ANKRD31: variants seen among roughly 807,000 people sequenced by gnomAD.
ANKRD31 encodes the protein ankyrin repeat domain 31.
ANKRD31 carries 147 observed loss-of-function variants against 186.0 expected under a neutral mutation model. The ratio of observed to expected loss-of-function variants is 0.79; its 90% CI spans 0.69 to 0.91. The LOEUF is 0.91. Ranked by LOEUF, ANKRD31 falls within the 40% of genes least tolerant of loss-of-function variation. The pLI is 0.00. For missense variants in ANKRD31, 1,986 were observed against 2,148.8 expected, an observed-to-expected ratio of 0.92 and a Z score of 1.50; for synonymous variants, 673 against 736.4, an observed-to-expected ratio of 0.91 and a Z score of 1.39.
Position 75,193,536 on chromosome 5 carries a change from G to A in ANKRD31, c.1073C>T (p.Thr358Ile). 6.5e-7 allele frequency: 1 copy of A among 1,536,748 alleles called. No individual in the cohort carries two copies. Among genetic ancestry groups the A allele is most frequent in the Non-Finnish European group, 8.7e-7 (1 of 1,146,658 alleles). ...CTTATTACTTAGTGGCTCACAAGAA[G>A]TGATATTTTGATGAGCCAAAGTTTG... is the stretch of plus-strand genomic sequence containing the variant. ...GLQTLAHQNITSCEPLSNKRN... is the reference protein window; with the variant it reads ...GLQTLAHQNIISCEPLSNKRN... The change falls in exon 8 of 26, where the codon ACT becomes ATT. Residue 358 changes from threonine (T) to isoleucine (I), a missense_variant. By Grantham distance (89) the Thr-to-Ile change is moderately conservative. Transcript: ENST00000506364.
At chr5:75,082,595 T>C (rs779089312) in intron 24 of ANKRD31, among the ~76,000 whole-genome samples, 6 of 152,220 alleles carry the variant, frequency 3.9e-5, no homozygotes, top group Non-Finnish European at 8.8e-5. Flanking sequence ...CTAAAGGCTA[T>C]TCCATCTGAT....
intron 22 of ANKRD31, among the ~76,000 whole-genome samples, chr5:75,100,372 C>T (rs537408462): frequency 7.6e-4 from 116 of 152,126 alleles, no homozygotes; most frequent in African/African-American, 2.5e-3. Flanking sequence ...ATAAGTGCAA[C>T]GTGGTGCTGA....
intron 20 of ANKRD31, among the ~76,000 whole-genome samples, chr5:75,110,051 G>A (rs1747644439): frequency 6.6e-6 from 1 of 152,144 alleles, no homozygotes; most frequent in South Asian, 2.1e-4. Context: ...GGGTCCCACT[G>A]CCTTACCTCT....
intron 6 of ANKRD31, among the ~76,000 whole-genome samples, chr5:75,197,888 G>A (rs763607186): frequency 3.9e-5 from 6 of 152,096 alleles, no homozygotes; most frequent in East Asian, 1.9e-4. Context: ...GCCCAAATTG[G>A]CCGTACTTTG....
At chr5:75,186,849 TA>T (rs113863218) in intron 10 of ANKRD31, among the ~76,000 whole-genome samples, 20 of 152,236 alleles carry the variant, frequency 1.3e-4, no homozygotes, top group African/African-American at 4.6e-4. Context: ...GGCCTTTTTT[TA>T]AATTGTACCA....
chr5:75,178,949 G>GT (rs1390600576), intron 10 of ANKRD31, among the ~76,000 whole-genome samples: 4 of 152,070 alleles, frequency 2.6e-5, no homozygotes, highest in African/African-American at 9.7e-5. Context: ...CCAGGAGCTG[G>GT]TTTTTTGAAA....
At chr5:75,190,154 G>A (rs1002418438) in intron 9 of ANKRD31, among the ~76,000 whole-genome samples, 1 of 151,792 alleles carries the variant, frequency 6.6e-6, no homozygotes, top group African/African-American at 2.4e-5. Context: ...CGAGTAGCTG[G>A]GACTACAGGC....
chr5:75,201,805 A>G (rs1441597582), intron 5 of ANKRD31, among the ~76,000 whole-genome samples: 2 of 152,160 alleles, frequency 1.3e-5, no homozygotes, highest in African/African-American at 4.8e-5. Context: ...ACAGATCTTA[A>G]GTCTGTTTAA....
rs1008220427 is a variant in ANKRD31, at chr5:75,178,809, T to A, written c.1564+9684A>T. On this transcript the variant is annotated intron_variant, in intron 10 of 25. Coordinates refer to ENST00000506364, the MANE Select transcript of ANKRD31 (RefSeq NM_001372053.1). ...AAACATCTAAAATTGACACCCTAACTTCACAATTCAAAGAACTAGAGAAGC... is the reference window on the plus strand; with the variant it reads ...AAACATCTAAAATTGACACCCTAACATCACAATTCAAAGAACTAGAGAAGC... Among the ~76,000 whole-genome samples the A allele has an allele frequency of 2.6e-5, 4 of 152,042 alleles. No individual in the cohort carries two copies. In the East Asian group the frequency reaches 7.8e-4, roughly 29 times the overall value.
intron 5 of ANKRD31, among the ~76,000 whole-genome samples, chr5:75,204,666 T>C (rs2150271003): frequency 6.6e-6 from 1 of 152,284 alleles, no homozygotes; most frequent in Non-Finnish European, 1.5e-5. Context: ...CAGGTTAATT[T>C]GTCATCTGGG....
At chr5:75,087,000 G>C (rs191159895) in intron 23 of ANKRD31, among the ~76,000 whole-genome samples, 65 of 152,266 alleles carry the variant, frequency 4.3e-4, no homozygotes, top group Middle Eastern at 3.4e-3. Flanking sequence ...CTTTATTTTG[G>C]TAAGGTCTTT....
intron 22 of ANKRD31, among the ~76,000 whole-genome samples, chr5:75,103,510 A>G (rs957189621): frequency 3.3e-5 from 5 of 152,216 alleles, no homozygotes; most frequent in African/African-American, 1.2e-4. Flanking sequence ...CATATACCCA[A>G]AGGAATATAA....
At chr5:75,157,920 G>T (rs1051404945) in intron 11 of ANKRD31, among the ~76,000 whole-genome samples, 2 of 152,158 alleles carry the variant, frequency 1.3e-5, no homozygotes, top group African/African-American at 4.8e-5. Flanking sequence ...CAAAAGAAAA[G>T]AAAACACCAA....
At chr5:75,099,984 T>A (rs914843233) in intron 22 of ANKRD31, among the ~76,000 whole-genome samples, 1 of 152,206 alleles carries the variant, frequency 6.6e-6, no homozygotes, top group Non-Finnish European at 1.5e-5. Flanking sequence ...TTGTTTGCTC[T>A]TGCTTCTTTA....
At chr5:75,167,117 GTC>G (rs1429170947) in intron 11 of ANKRD31, among the ~76,000 whole-genome samples, 2 of 151,096 alleles carry the variant, frequency 1.3e-5, no homozygotes, top group Non-Finnish European at 2.9e-5. Flanking sequence ...TCTCTAATCT[GTC>G]TCTATAGATT....
rs3841129 is a variant in ANKRD31 at position 75,091,075 on chromosome 5, G to GA, written c.5472+185dup. On this transcript the variant is annotated intron_variant, in intron 23 of 25. Coordinates refer to ENST00000506364, the MANE Select transcript of ANKRD31 (RefSeq NM_001372053.1). ...ATTCTGGCAAATAGGACTTGTGGGA[G>GA]AAAGTGATGTGTTCATTCTGTGACA... 2.4e-3 allele frequency among the ~76,000 whole-genome samples: 365 copies of GA among 152,320 alleles called. 8 individuals are homozygous for GA. The East Asian group carries it at 0.062, about 26-fold the overall frequency.
At chr5:75,093,049 T>C (rs927967800) in intron 22 of ANKRD31, among the ~76,000 whole-genome samples, 4 of 151,560 alleles carry the variant, frequency 2.6e-5, no homozygotes, top group Non-Finnish European at 5.9e-5. Flanking sequence ...TGATACAGAG[T>C]ATGCAAGACA....
chr5:75,089,272 A>T (rs1173640400), intron 23 of ANKRD31, among the ~76,000 whole-genome samples: 1 of 152,178 alleles, frequency 6.6e-6, no homozygotes, highest in East Asian at 1.9e-4. Flanking sequence ...CTCTCTGAGT[A>T]AGCATCAGGA....
At chr5:75,219,667 A>G (rs2150303767) in intron 3 of ANKRD31, among the ~76,000 whole-genome samples, 1 of 152,350 alleles carries the variant, frequency 6.6e-6, no homozygotes, top group Middle Eastern at 3.4e-3. Context: ...AGGGAACCAG[A>G]AAAGATCCCG....
Sources: allele counts gnomAD v4.1 joint callset (sites outside exome capture counted in the v4.1 genomes callset), GRCh38; gene constraint gnomAD v4.1.1; transcripts MANE v1.5; gene names NCBI Gene and HGNC (gene_info 2026-07-23, HGNC 2026-07-21).